Variants in DOCK3 observed in about 807,000 individuals in gnomAD.
DOCK3 encodes dedicator of cytokinesis 3, also known as dedicator of cytokinesis protein 3.
DOCK3 carries 60 observed loss-of-function variants against 265.6 expected under a neutral mutation model. The observed-to-expected ratio is 0.23, with a 90% confidence interval of 0.18 to 0.28. The LOEUF (loss-of-function observed/expected upper bound fraction) is 0.28. DOCK3 is among the 10% of genes least tolerant of loss of function. The pLI, the probability that DOCK3 is intolerant of heterozygous loss-of-function variation, is 1.00. For synonymous variants in DOCK3, 881 were observed against 938.0 expected, an observed-to-expected ratio of 0.94 and a Z score of 1.11; for missense variants, 1,981 against 2,594.3, an observed-to-expected ratio of 0.76 and a Z score of 5.14.
Position 50,784,972 on chromosome 3 carries a change from C to T in DOCK3, c.121+6214C>T, listed in dbSNP as rs544416661. ...AGGAGTTTGAGACTAGCCTGGCTAA[C>T]ATGGTGAAACGCTGTCTCTACTAAA... On this transcript the variant is annotated intron_variant, in intron 2 of 52. Coordinates refer to ENST00000266037, the MANE Select transcript of DOCK3 (RefSeq NM_004947.5). 2.0e-5 allele frequency among the ~76,000 whole-genome samples: 3 copies of T among 152,246 alleles called. No homozygotes were observed. The South Asian group carries it at 6.2e-4, about 32-fold the overall frequency.
At chr3:50,900,026 C>G (rs2049099772) in intron 4 of DOCK3, among the ~76,000 whole-genome samples, 1 of 152,076 alleles carries the variant, frequency 6.6e-6, no homozygotes, top group Non-Finnish European at 1.5e-5. Flanking sequence ...GCCTGTCTTG[C>G]TAGGTTGGGG....
intron 12 of DOCK3, among the ~76,000 whole-genome samples, chr3:51,184,688 G>T (rs1353728605): frequency 6.6e-6 from 1 of 152,168 alleles, no homozygotes; most frequent in Admixed American, 6.5e-5. Flanking sequence ...AGTAACGTAT[G>T]CATATAGATA....
At chr3:50,975,823 T>A (rs1220464458) in intron 5 of DOCK3, among the ~76,000 whole-genome samples, 1 of 151,562 alleles carries the variant, frequency 6.6e-6, no homozygotes, top group Non-Finnish European at 1.5e-5. Flanking sequence ...TTTCAGATCC[T>A]GTTATTGGTC....
chr3:50,689,309 A>G (rs2035051536), intron 1 of DOCK3, among the ~76,000 whole-genome samples: 1 of 152,234 alleles, frequency 6.6e-6, no homozygotes, highest in Admixed American at 6.5e-5. Flanking sequence ...GATGATTTAT[A>G]AAGGAAAGAG....
intron 33 of DOCK3, among the ~76,000 whole-genome samples, chr3:51,331,637 G>A (rs2084527121): frequency 6.6e-6 from 1 of 151,796 alleles, no homozygotes; most frequent in East Asian, 1.9e-4. Context: ...CCTCTTTATT[G>A]TAGGACTTCT....
chr3:50,908,950 C>G (rs937149346), intron 4 of DOCK3, among the ~76,000 whole-genome samples: 1 of 149,230 alleles, frequency 6.7e-6, no homozygotes, highest in African/African-American at 2.5e-5. Flanking sequence ...TTGAATTGAA[C>G]CTTTTATCAT....
rs1337373521 is a variant in DOCK3, at chr3:51,384,129, ATT to A, written c.*2577_*2578del. ...TTTAGATGTAAATATCTGCCACTTGATTTTTTTTCCCCCTTTCCCCACTTCCT... is the reference window on the plus strand; with the variant it reads ...TTTAGATGTAAATATCTGCCACTTGATTTTTTCCCCCTTTCCCCACTTCCT... On this transcript the variant is annotated 3_prime_UTR_variant, in exon 53 of 53. Transcript: ENST00000266037. The A allele has an allele frequency of 1.3e-5, 2 of 152,518 alleles. No individual in the cohort carries two copies. Among genetic ancestry groups the A allele is most frequent in the Admixed American group, 6.5e-5 (1 of 15,272 alleles). The allele number at this position is 152,518 out of a possible 1,614,324, so 9.4% of individuals were successfully genotyped here.
At chr3:50,890,321 G>A (rs919406003) in intron 4 of DOCK3, among the ~76,000 whole-genome samples, 2 of 152,060 alleles carry the variant, frequency 1.3e-5, no homozygotes, top group African/African-American at 4.8e-5. Context: ...AGTTAGGCAT[G>A]CAGTATGTTT....
intron 5 of DOCK3, among the ~76,000 whole-genome samples, chr3:51,053,302 T>C (rs993222953): frequency 6.6e-6 from 1 of 151,360 alleles, no homozygotes; most frequent in African/African-American, 2.4e-5. Context: ...TTGACTTTTC[T>C]ATTTAAGTTA....
intron 21 of DOCK3, among the ~76,000 whole-genome samples, chr3:51,242,896 C>T (rs574068004): frequency 1.3e-5 from 2 of 152,268 alleles, no homozygotes; most frequent in Admixed American, 6.5e-5. Flanking sequence ...GGGGAAGCTG[C>T]AGTATGGGGA....
intron 23 of DOCK3, among the ~76,000 whole-genome samples, chr3:51,269,220 A>G (rs2080370373): frequency 1.3e-5 from 2 of 148,914 alleles, no homozygotes; most frequent in Admixed American, 6.7e-5. Flanking sequence ...TAATATATAT[A>G]TGTATATTAT....
intron 38 of DOCK3, among the ~76,000 whole-genome samples, chr3:51,348,245 A>T (rs1056415246): frequency 2.0e-5 from 3 of 152,240 alleles, no homozygotes; most frequent in African/African-American, 7.2e-5. Flanking sequence ...GAATCTAACT[A>T]GGCAAGGATC....
At chr3:50,689,656 A>G (rs1369496395) in intron 1 of DOCK3, among the ~76,000 whole-genome samples, 3 of 152,220 alleles carry the variant, frequency 2.0e-5, no homozygotes, top group East Asian at 3.8e-4. Context: ...AGATTCTCAT[A>G]AGGAGCATGC....
intron 5 of DOCK3, among the ~76,000 whole-genome samples, chr3:51,026,028 A>G (rs979243880): frequency 6.6e-6 from 1 of 151,936 alleles, no homozygotes; most frequent in Non-Finnish European, 1.5e-5. Context: ...TTTTCTATTA[A>G]GTTCCTGTGT....
chr3:51,308,425 C>T (rs559071916), intron 27 of DOCK3, among the ~76,000 whole-genome samples: 26 of 150,922 alleles, frequency 1.7e-4, no homozygotes, highest in Admixed American at 2.6e-4. Context: ...TGACTCTTAA[C>T]GAGCATGCTG....
At chr3:51,010,276 G>T (rs1559931589) in intron 5 of DOCK3, among the ~76,000 whole-genome samples, 1 of 152,088 alleles carries the variant, frequency 6.6e-6, no homozygotes, top group Non-Finnish European at 1.5e-5. Flanking sequence ...GGTCTCTAAG[G>T]ACTTGCTTTA....
At chr3:50,907,380 T>TG (rs1262260568) in intron 4 of DOCK3, among the ~76,000 whole-genome samples, 7 of 152,154 alleles carry the variant, frequency 4.6e-5, no homozygotes, top group East Asian at 1.9e-4. Flanking sequence ...TATTATTGTT[T>TG]GGAGTCTAAG....
At chr3:50,870,221 C>T (rs2047369222) in intron 3 of DOCK3, among the ~76,000 whole-genome samples, 1 of 152,076 alleles carries the variant, frequency 6.6e-6, no homozygotes, top group Non-Finnish European at 1.5e-5. Flanking sequence ...GTTGATGTCT[C>T]CAGCTATTAT....
At chr3:51,208,566 G>A (rs1576416895) in intron 12 of DOCK3, among the ~76,000 whole-genome samples, 1 of 152,052 alleles carries the variant, frequency 6.6e-6, no homozygotes, top group Non-Finnish European at 1.5e-5. Flanking sequence ...ATGTTTGTAG[G>A]GATTCATTTT....
Sources: allele counts gnomAD v4.1 joint callset (sites outside exome capture counted in the v4.1 genomes callset), GRCh38; gene constraint gnomAD v4.1.1; transcripts MANE v1.5; gene names NCBI Gene and HGNC (gene_info 2026-07-23, HGNC 2026-07-21).